FAM184A: variants seen among roughly 807,000 people sequenced by gnomAD.
FAM184A encodes family with sequence similarity 184 member A, also known as protein FAM184A.
FAM184A carries 99 observed loss-of-function variants against 143.8 expected under a neutral mutation model. The observed-to-expected ratio is 0.69, with a 90% confidence interval of 0.58 to 0.81. The LOEUF (loss-of-function observed/expected upper bound fraction) is 0.81. FAM184A is among the 40% of genes least tolerant of loss of function. The pLI, the probability that FAM184A is intolerant of heterozygous loss-of-function variation, is 0.00. For synonymous variants in FAM184A, 427 were observed against 446.4 expected, an observed-to-expected ratio of 0.96 and a Z score of 0.55; for missense variants, 1,217 against 1,310.5, an observed-to-expected ratio of 0.93 and a Z score of 1.10.
At chr6:118,984,911 C>T (rs1215279277) in intron 9 of FAM184A, among the ~76,000 whole-genome samples, 1 of 152,076 alleles carries the variant, frequency 6.6e-6, no homozygotes, top group Non-Finnish European at 1.5e-5. Flanking sequence ...TATTTTTATT[C>T]CTATTTATCA....
rs1785570521 is a variant in FAM184A, at chr6:119,024,734, ATTTC to A, written c.235_238del (p.Glu79PhefsTer19). 1 of 1,613,644 alleles carries A rather than the reference ATTTC, an allele frequency of 6.2e-7. No individual in the cohort carries two copies. Among genetic ancestry groups the A allele is most frequent in the African/African-American group, 1.3e-5 (1 of 75,010 alleles). On this transcript the variant is annotated frameshift_variant, in exon 2 of 18. Transcript: ENST00000338891. LOFTEE classifies it high-confidence loss of function. ...TCTTGTTTCAGCAAGAATTTGTTGA[ATTTC>A]TTCTTCATGAGCATCTTTGAGGGCT... is the stretch of plus-strand genomic sequence containing the variant.
chr6:119,119,220 C>T (rs1789143012), intron 1 of FAM184A, among the ~76,000 whole-genome samples: 1 of 152,216 alleles, frequency 6.6e-6, no homozygotes. Flanking sequence ...TTAATTTCGC[C>T]CCGGTCCTGT....
rs369014967 is a variant in FAM184A, at chr6:119,002,331, A to C, written c.2088+568T>G. 3.9e-4 allele frequency among the ~76,000 whole-genome samples: 60 copies of C among 152,298 alleles called. 1 individual carries two copies. The South Asian group carries it at 1.0e-2, about 25-fold the overall frequency. ...ATTTAAAAGTTGTGTAAATGAGTGA[A>C]AATGTGCAAATTCTTTTAATTACAG... On this transcript the variant is annotated intron_variant, in intron 9 of 17. Coordinates refer to ENST00000338891, the MANE Select transcript of FAM184A (RefSeq NM_024581.6).
In FAM184A at chr6:119,057,583, A is replaced by T. The variant is rs569359443; in HGVS notation, c.159+20558T>A. Among the ~76,000 whole-genome samples, 16 of 152,094 alleles carry T rather than the reference A, an allele frequency of 1.1e-4. 1 individual carries two copies. Among genetic ancestry groups the T allele is most frequent in the Admixed American group, 3.9e-4 (6 of 15,274 alleles). Reference sequence around the variant, plus strand: ...GTGAGACCCCCAACTGTACAAAAAAATTTTTTTAATTATTCAGGTGTGGTG... The same window carrying T: ...GTGAGACCCCCAACTGTACAAAAAATTTTTTTTAATTATTCAGGTGTGGTG... On this transcript the variant is annotated intron_variant, in intron 1 of 17. Transcript: ENST00000338891.
Position 118,961,818 on chromosome 6 carries a change from T to A in FAM184A, c.3284A>T (p.Asn1095Ile). The stretch of plus-strand genomic sequence containing the variant: ...TGGCTGTGGAAGTGGTTTGCTGCTG[T>A]TGAACTCAATATCGTGGACTGGAGA... Reference protein sequence around the residue: ...PNSPVHDIEFNSSKPLPQPVP... With the variant: ...PNSPVHDIEFISSKPLPQPVP... The change falls in exon 17 of 18, where the codon AAC becomes ATC. Residue 1095 changes from asparagine to isoleucine, a missense_variant. Physicochemically the swap from Asn to Ile is moderately radical, Grantham distance 149. Coordinates refer to ENST00000338891, the MANE Select transcript of FAM184A (RefSeq NM_024581.6). The A allele has an allele frequency of 6.2e-7, 1 of 1,613,948 alleles. No individual in the cohort carries two copies.
chr6:119,008,622 G>A (rs571914213), intron 6 of FAM184A, among the ~76,000 whole-genome samples: 1 of 152,134 alleles, frequency 6.6e-6, no homozygotes, highest in African/African-American at 2.4e-5. Context: ...TAGGATTTCT[G>A]TCATTTGCAA....
intron 12 of FAM184A, among the ~76,000 whole-genome samples, chr6:118,975,496 T>C (rs1320127438): frequency 6.6e-6 from 1 of 152,260 alleles, no homozygotes; most frequent in African/African-American, 2.4e-5. Flanking sequence ...AGATGATTTA[T>C]AATCAGTGGA....
At chr6:119,125,305 C>T (rs1789328587) in intron 1 of FAM184A, among the ~76,000 whole-genome samples, 1 of 152,132 alleles carries the variant, frequency 6.6e-6, no homozygotes, top group African/African-American at 2.4e-5. Context: ...GAGATGGAGT[C>T]TTGCTCTGTC....
chr6:119,011,625 A>C (rs1408768900), intron 5 of FAM184A, among the ~76,000 whole-genome samples, 194 bp from the exon 6 acceptor site: 1 of 152,168 alleles, frequency 6.6e-6, no homozygotes, highest in Non-Finnish European at 1.5e-5. Context: ...CTCATTTATA[A>C]TGTAGTTATA....
At chr6:118,973,934 T>C (rs1783771493) in intron 14 of FAM184A, among the ~76,000 whole-genome samples, 1 of 152,122 alleles carries the variant, frequency 6.6e-6, no homozygotes. Context: ...AAGTGGAGTA[T>C]ATAAAATAAA....
intron 1 of FAM184A, among the ~76,000 whole-genome samples, chr6:119,048,990 C>T (rs1317050374): frequency 6.6e-6 from 1 of 152,194 alleles, no homozygotes; most frequent in African/African-American, 2.4e-5. Flanking sequence ...ATATTCTTCA[C>T]AGAACTACAA....
At chr6:118,971,750 TCAC>T (rs746043462) in intron 14 of FAM184A, among the ~76,000 whole-genome samples, 2 of 152,206 alleles carry the variant, frequency 1.3e-5, no homozygotes, top group Non-Finnish European at 2.9e-5. Context: ...ATAGAACTCA[TCAC>T]CACTTCTACA....
At chr6:119,148,864 GATCTT>G (rs1423549024) in intron 1 of FAM184A, among the ~76,000 whole-genome samples, 1 of 151,608 alleles carries the variant, frequency 6.6e-6, no homozygotes, top group East Asian at 1.9e-4. Flanking sequence ...AGAAAATCTT[GATCTT>G]ATTTTGCTCA....
At chr6:119,090,317 A>T (rs1788334159) in intron 1 of FAM184A, among the ~76,000 whole-genome samples, 1 of 152,186 alleles carries the variant, frequency 6.6e-6, no homozygotes, top group African/African-American at 2.4e-5. Flanking sequence ...GTCTCCTTTC[A>T]CTCACTGATC....
At chr6:118,968,554 C>T (rs534092116) in intron 14 of FAM184A, among the ~76,000 whole-genome samples, 8 of 152,260 alleles carry the variant, frequency 5.3e-5, no homozygotes, top group Admixed American at 2.0e-4. Context: ...CATTAAGAGT[C>T]GAGAAATACT....
intron 11 of FAM184A, among the ~76,000 whole-genome samples, chr6:118,977,536 C>T (rs763877684): frequency 2.0e-5 from 3 of 152,150 alleles, no homozygotes; most frequent in Admixed American, 6.5e-5. Context: ...GCTGATAGCA[C>T]ACCACTGCAT....
At chr6:119,013,375 G>T (rs1263811565) in intron 5 of FAM184A, among the ~76,000 whole-genome samples, 1 of 152,130 alleles carries the variant, frequency 6.6e-6, no homozygotes, top group Non-Finnish European at 1.5e-5. Flanking sequence ...AAGGCTAAAG[G>T]CAGGACATAT....
rs11360363 is a variant in FAM184A, at chr6:119,134,653, CAAAA to C, written c.-202+14421_-202+14424del. 2.8e-3 allele frequency among the ~76,000 whole-genome samples: 346 copies of C among 122,114 alleles called. 1 individual carries two copies. Among genetic ancestry groups the C allele is most frequent in the African/African-American group, 1.0e-2 (327 of 32,754 alleles). The allele number at this position is 122,114 out of a possible 152,430, so 80.1% of individuals were successfully genotyped here. On this transcript the variant is annotated intron_variant, in intron 1 of 16. Transcript: ENST00000352896. The stretch of plus-strand genomic sequence containing the variant: ...TAGGTGACAGAATGAGACCTTGTCT[CAAAA>C]AAAAAAAAAAAAGAGAAAGAAATAA...
At chr6:119,055,657 C>A (rs1205114029) in intron 1 of FAM184A, among the ~76,000 whole-genome samples, 4 of 152,284 alleles carry the variant, frequency 2.6e-5, no homozygotes, top group Non-Finnish European at 2.9e-5. Flanking sequence ...TGACCTAATT[C>A]TTTGAAAGTA....
Sources: allele counts gnomAD v4.1 joint callset (sites outside exome capture counted in the v4.1 genomes callset), GRCh38; gene constraint gnomAD v4.1.1; transcripts MANE v1.5; gene names NCBI Gene and HGNC (gene_info 2026-07-23, HGNC 2026-07-21).